Variants in SCARB1 observed in about 807,000 individuals in gnomAD.
SCARB1 encodes CD36 and LIMPII analogous 1.
In SCARB1, 30 loss-of-function variants were observed where a neutral mutation model predicts 57.2. That is an observed-to-expected ratio of 0.52 (90% CI 0.39 to 0.71). The LOEUF (loss-of-function observed/expected upper bound fraction) is 0.71. SCARB1 is among the 30% of genes least tolerant of loss of function. The pLI is 0.00. For synonymous variants in SCARB1, 249 were observed against 268.3 expected (o/e 0.93, Z 0.70); for missense variants, 543 against 671.2 (o/e 0.81, Z 2.11).
intron 7 of SCARB1, among the ~76,000 whole-genome samples, chr12:124,804,196 G>A (rs1430942019): frequency 1.3e-5 from 2 of 152,194 alleles, no homozygotes; most frequent in Non-Finnish European, 2.9e-5. Context: ...AGCTGGGCAT[G>A]GGAGCCAGGC....
At position 124,817,518 on chromosome 12, in the gene SCARB1, G is replaced by A; in HGVS notation, c.284+32C>T. On this transcript the variant is annotated intron_variant, in intron 2 of 12. Coordinates refer to ENST00000261693, the MANE Select transcript of SCARB1 (RefSeq NM_005505.5). The surrounding 1 kb of genome is among the most constrained non-coding windows in gnomAD (Gnocchi z 4.8). ...CCCCTCCCCTGCCCAGCCTCAGCCG[G>A]CCCCTCCACCCTCACCTGGACACAG... 2 of 1,610,600 alleles carry A rather than the reference G, an allele frequency of 1.2e-6. No individual in the cohort carries two copies. Among genetic ancestry groups the A allele is most frequent in the Non-Finnish European group, 1.7e-6 (2 of 1,179,146 alleles).
chr12:124,836,654 T>C (rs1951660545), intron 1 of SCARB1, among the ~76,000 whole-genome samples: 2 of 151,992 alleles, frequency 1.3e-5, no homozygotes, highest in East Asian at 3.9e-4. Flanking sequence ...ATTTGCCAAA[T>C]GTGGTAGTGT....
rs749126956 is a variant in SCARB1 at position 124,778,507 on chromosome 12, G to C, written c.*80C>G. ...GGGGGGCTGTCCGCTGGGAGAGTCC[G>C]GGAGAAGCGGGGTGTAGGGGCTGGG... is the stretch of plus-strand genomic sequence containing the variant. On this transcript the variant is annotated 3_prime_UTR_variant, in exon 13 of 13. Transcript: ENST00000261693. 2.9e-6 allele frequency: 4 copies of C among 1,358,026 alleles called. No homozygotes were observed. In the South Asian group the frequency reaches 7.9e-5, roughly 27 times the overall value. 84.1% of individuals were successfully genotyped at this position (1,358,026 alleles called of 1,614,324 possible).
Position 124,814,308 on chromosome 12 carries a change from G to A in SCARB1, c.524C>T (p.Thr175Ile). The A allele has an allele frequency of 6.2e-7, 1 of 1,614,238 alleles. No individual in the cohort carries two copies. Among genetic ancestry groups the A allele is most frequent in the Non-Finnish European group, 8.5e-7 (1 of 1,180,042 alleles). The change falls in exon 4 of 13, where the codon ACT (threonine) becomes ATT (isoleucine). Residue 175 changes from threonine to isoleucine, a missense_variant. By Grantham distance (89) the Thr-to-Ile change is moderately conservative. Coordinates refer to ENST00000261693, the MANE Select transcript of SCARB1 (RefSeq NM_005505.5). This position sits in a 1 kb window ranked among gnomAD's most constrained non-coding sequence, Gnocchi z 4.7. ...GTAGCCCCACATGATCTCACCCACA[G>A]TGCGGTTCATGAAGGCACGTTCGCC... Reference protein sequence around the residue: ...TLGERAFMNRTVGEIMWGYKD... With the variant: ...TLGERAFMNRIVGEIMWGYKD...
chr12:124,804,957 T>C (rs1950271388), intron 7 of SCARB1, among the ~76,000 whole-genome samples: 1 of 152,196 alleles, frequency 6.6e-6, no homozygotes, highest in Non-Finnish European at 1.5e-5. Context: ...ATTCAAATAC[T>C]GTATGAGTAC....
chr12:124,850,409 C>G (rs983202738), intron 1 of SCARB1, among the ~76,000 whole-genome samples: 2 of 147,002 alleles, frequency 1.4e-5, no homozygotes, highest in Non-Finnish European at 3.0e-5. Context: ...TCGTGGCTCA[C>G]ACCTGTAATC....
intron 4 of SCARB1, among the ~76,000 whole-genome samples, chr12:124,813,213 TCCTC>T (rs1950584409): frequency 1.3e-5 from 2 of 152,248 alleles, no homozygotes; most frequent in South Asian, 4.2e-4. Flanking sequence ...TTGGTTTTCT[TCCTC>T]CCTAAGAGGG....
At chr12:124,793,788 A>AC (rs1206538722) in intron 9 of SCARB1, among the ~76,000 whole-genome samples, 1 of 152,032 alleles carries the variant, frequency 6.6e-6, no homozygotes, top group Non-Finnish European at 1.5e-5. Flanking sequence ...TTAACATAGG[A>AC]CCCAGCGATT....
At chr12:124,816,309 C>T (rs1340807227) in intron 2 of SCARB1, among the ~76,000 whole-genome samples, 1 of 152,222 alleles carries the variant, frequency 6.6e-6, no homozygotes. Flanking sequence ...TGCCTGCGCC[C>T]CCAGCACACA....
chr12:124,832,249 G>A (rs956736632), intron 1 of SCARB1, among the ~76,000 whole-genome samples: 2 of 152,194 alleles, frequency 1.3e-5, no homozygotes, highest in Non-Finnish European at 2.9e-5. Context: ...CGGGCGCGGT[G>A]GCTCACACCT....
Position 124,817,356 on chromosome 12 carries a change from A to G in SCARB1, c.284+194T>C, listed in dbSNP as rs1950778288. On this transcript the variant is annotated intron_variant, in intron 2 of 12. Coordinates refer to ENST00000261693, the MANE Select transcript of SCARB1 (RefSeq NM_005505.5). This position sits in a 1 kb window ranked among gnomAD's most constrained non-coding sequence, Gnocchi z 4.8. ...CAACATAGCAAGATCCCATCTCTAA[A>G]AAAAAAAAAAAAAAAAAAAAAAACC... 9.7e-6 allele frequency among the ~76,000 whole-genome samples: 1 copy of G among 102,584 alleles called. No homozygotes were observed. The highest frequency in any genetic ancestry group is 2.1e-5 in the Non-Finnish European group (1 of 48,094). 67.3% of individuals were successfully genotyped at this position (102,584 alleles called of 152,430 possible).
Position 124,778,225 on chromosome 12 carries a change from G to A in SCARB1, c.*362C>T, listed in dbSNP as rs1288938210. On this transcript the variant is annotated 3_prime_UTR_variant, in exon 13 of 13. Coordinates refer to ENST00000261693, the MANE Select transcript of SCARB1 (RefSeq NM_005505.5). ...GGAGGGGAGGAAGCCTGGGCCCAAC[G>A]GCTGAACGGGACAGGCCAGGCTCAC... The A allele has an allele frequency of 1.0e-5, 4 of 384,176 alleles. No homozygotes were observed. Among genetic ancestry groups the A allele is most frequent in the South Asian group, 1.4e-4 (1 of 6,942 alleles). The allele number at this position is 384,176 out of a possible 1,614,324, so 23.8% of individuals were successfully genotyped here.
At chr12:124,825,710 A>T (rs752465541) in intron 1 of SCARB1, among the ~76,000 whole-genome samples, 4 of 152,136 alleles carry the variant, frequency 2.6e-5, no homozygotes, top group Non-Finnish European at 4.4e-5. Context: ...TCAGTCAAAG[A>T]TAAGCTGGGC....
intron 9 of SCARB1, among the ~76,000 whole-genome samples, chr12:124,792,845 T>C (rs1293864370): frequency 6.6e-6 from 1 of 151,888 alleles, no homozygotes; most frequent in African/African-American, 2.4e-5. Context: ...GTGGCCACAC[T>C]GAGCCCGCAT....
At chr12:124,852,494 A>C (rs1266035353) in intron 1 of SCARB1, among the ~76,000 whole-genome samples, 1 of 152,210 alleles carries the variant, frequency 6.6e-6, no homozygotes, top group African/African-American at 2.4e-5. Context: ...CAGGAAGTGC[A>C]AGAGCCACTG....
Position 124,796,058 on chromosome 12 carries a change from ATTG to A in SCARB1, c.1129-793_1129-791del, listed in dbSNP as rs1949934041. 1.3e-5 allele frequency among the ~76,000 whole-genome samples: 2 copies of A among 152,190 alleles called. No individual in the cohort carries two copies. Among genetic ancestry groups the A allele is most frequent in the Non-Finnish European group, 2.9e-5 (2 of 68,034 alleles). On this transcript the variant is annotated intron_variant, in intron 8 of 12. Transcript: ENST00000261693. This position sits in a 1 kb window ranked among gnomAD's most constrained non-coding sequence, Gnocchi z 4.0. ...AACCTCTGCCTCCTGAGTTCAAGCG[ATTG>A]TCCTGCCTCAGCCTCCCCAGTAGCT...
chr12:124,817,621 G>A lies in SCARB1; in HGVS notation c.213C>T (p.Asp71=), dbSNP rs374901394. The A allele has an allele frequency of 1.5e-5, 24 of 1,614,098 alleles. No homozygotes were observed. Among genetic ancestry groups the A allele is most frequent in the Non-Finnish European group, 1.8e-5 (21 of 1,180,042 alleles). ...TCAGGATCTCGCTGGGGTTCATGACGTCAAAGAAGTAGACGGAGAGATAGA... is the reference window on the plus strand; with the variant it reads ...TCAGGATCTCGCTGGGGTTCATGACATCAAAGAAGTAGACGGAGAGATAGA... The part of the protein sequence containing the change: ...IPFYLSVYFF[D]VMNPSEILKG... The change falls in exon 2 of 13, where the codon GAC becomes GAT. Residue 71 remains aspartate (D), a synonymous_variant. Transcript: ENST00000261693. This position sits in a 1 kb window ranked among gnomAD's most constrained non-coding sequence, Gnocchi z 4.8.
At chr12:124,787,291 G>T in intron 10 of SCARB1, 115 bp downstream of exon 10, 1 of 921,294 alleles carries the variant, frequency 1.1e-6, no homozygotes, top group Non-Finnish European at 1.7e-6. Context: ...TCACAGTCCG[G>T]TTACCCTGGC....
chr12:124,830,574 A>C (rs1471950722), intron 1 of SCARB1, among the ~76,000 whole-genome samples: 1 of 152,162 alleles, frequency 6.6e-6, no homozygotes, highest in Non-Finnish European at 1.5e-5. Flanking sequence ...GCATGAGTCC[A>C]TATAAGTGAC....
Sources: gnomAD v4.1 joint callset for allele counts (sites outside exome capture counted in the v4.1 genomes callset) on GRCh38, gnomAD v4.1.1 for gene constraint, Gnocchi (gnomAD v3.1) non-coding constraint, MANE v1.5 for transcripts, NCBI Gene and HGNC (gene_info 2026-07-23, HGNC 2026-07-21) for gene names.